Variants in ZNF732 observed in about 807,000 individuals in gnomAD.
ZNF732 encodes zinc finger protein LOC654254.
In ZNF732, 12 loss-of-function variants were observed where a neutral mutation model predicts 11.5. The observed-to-expected ratio is 1.05, with a 90% confidence interval of 0.67 to 1.70. ZNF732 has a LOEUF of 1.70. Ranked by LOEUF, ZNF732 falls within the 40% of genes most tolerant of loss-of-function variation. The pLI, the probability that ZNF732 is intolerant of heterozygous loss-of-function variation, is 0.00. For synonymous variants in ZNF732, 231 were observed against 236.5 expected (o/e 0.98, Z 0.21); for missense variants, 702 against 676.9 (o/e 1.04, Z -0.41).
chr4:302,409 C>T (rs782667362), intron 1 of ZNF732, among the ~76,000 whole-genome samples: 2 of 152,156 alleles, frequency 1.3e-5, no homozygotes, highest in Non-Finnish European at 2.9e-5. Context: ...CCATAATTCT[C>T]AAGTAGAAGA....
intron 3 of ZNF732, among the ~76,000 whole-genome samples, chr4:284,889 A>AC (rs1489968839): frequency 6.7e-6 from 1 of 150,156 alleles, no homozygotes; most frequent in Non-Finnish European, 1.5e-5. Context: ...AAAAAAAAAA[A>AC]AAAAGAAGAA....
At chr4:296,412 C>T (rs1553842298) in intron 1 of ZNF732, among the ~76,000 whole-genome samples, 1 of 152,032 alleles carries the variant, frequency 6.6e-6, no homozygotes, top group African/African-American at 2.4e-5. Flanking sequence ...CTGTGACCTC[C>T]TGGAAAAAAA....
chr4:279,318 C>T (rs1286498177), intron 3 of ZNF732, among the ~76,000 whole-genome samples: 5 of 151,622 alleles, frequency 3.3e-5, no homozygotes, highest in Admixed American at 6.6e-5. Context: ...TGGTGGTGGG[C>T]GCTTGTAGTC....
chr4:295,471 C>T lies in ZNF732; in HGVS notation c.193G>A (p.Val65Met). 2 of 1,611,884 alleles carry T rather than the reference C, an allele frequency of 1.2e-6. No individual in the cohort carries two copies. Among genetic ancestry groups the T allele is most frequent in the Non-Finnish European group, 1.7e-6 (2 of 1,178,888 alleles). The change falls in exon 3 of 4, where the codon GTG becomes ATG. Residue 65 changes from valine to methionine, a missense_variant. Val to Met is a conservative substitution (Grantham distance 21, BLOSUM62 1). Transcript: ENST00000419098. ...TTGGCTACTGTCTCATGTATCTTCACTTTGTAGGGCTCCTTTCTTTGCTCC... is the reference window on the plus strand; with the variant it reads ...TTGGCTACTGTCTCATGTATCTTCATTTTGTAGGGCTCCTTTCTTTGCTCC... The part of the protein sequence containing the change: ...YLEQRKEPYK[V>M]KIHETVAKHP...
chr4:279,852 A>G (rs931496139), intron 3 of ZNF732, among the ~76,000 whole-genome samples: 9 of 152,210 alleles, frequency 5.9e-5, no homozygotes, highest in Non-Finnish European at 1.3e-4. Flanking sequence ...CTCACCTATA[A>G]AAGAAAACAG....
Position 272,202 on chromosome 4 carries a change from C to T in ZNF732, c.655G>A (p.Gly219Arg), listed in dbSNP as rs1719396587. The T allele has an allele frequency of 1.9e-6, 3 of 1,612,880 alleles. No homozygotes were observed. The African/African-American group carries it at 4.0e-5, about 22-fold the overall frequency. ...IFNEYEIIHT[G>R]EKPFTCEECG... Reference sequence around the variant, plus strand: ...TCTTCACATGTGAAGGGTTTCTCTCCAGTATGAATTATCTCATATTCATTA... The same window carrying T: ...TCTTCACATGTGAAGGGTTTCTCTCTAGTATGAATTATCTCATATTCATTA... Residue 219 changes from glycine to arginine, a missense_variant, in exon 4 of 4, where the codon GGA (glycine) becomes AGA (arginine). Physicochemically the swap from Gly to Arg is moderately radical, Grantham distance 125. Coordinates refer to ENST00000419098, the MANE Select transcript of ZNF732 (RefSeq NM_001137608.3).
chr4:286,747 T>A (rs1719739409), intron 3 of ZNF732, among the ~76,000 whole-genome samples: 2 of 152,208 alleles, frequency 1.3e-5, no homozygotes, highest in South Asian at 4.1e-4. Context: ...GTTATACAGG[T>A]AAACTTGTGT....
intron 3 of ZNF732, among the ~76,000 whole-genome samples, chr4:284,891 A>AAAAAAAAAAAG (rs782343752): frequency 3.9e-5 from 5 of 129,120 alleles, no homozygotes; most frequent in East Asian, 2.2e-4. Flanking sequence ...AAAAAAAAAA[A>AAAAAAAAAAAG]AAGAAGAAGA....
intron 3 of ZNF732, among the ~76,000 whole-genome samples, chr4:277,088 T>C (rs1014126580): frequency 1.3e-4 from 20 of 152,010 alleles, no homozygotes; most frequent in Non-Finnish European, 4.4e-5. Flanking sequence ...GAAAATTATT[T>C]ACATGATAAT....
At position 295,444 on chromosome 4, in the gene ZNF732, G is replaced by A. The variant is rs782049095; in HGVS notation, c.220C>T (p.His74Tyr). The change falls in exon 3 of 4, where the codon CAC becomes TAC. Residue 74 changes from histidine to tyrosine, a missense_variant. His to Tyr is a moderately conservative substitution (Grantham distance 83). Transcript: ENST00000419098. ...KVKIHETVAK[H>Y]PAVCSHFTQD... ...TTCATTCACTGTCACCTACCTGGGT[G>A]TTTGGCTACTGTCTCATGTATCTTC... is the stretch of plus-strand genomic sequence containing the variant. 10 of 1,604,738 alleles carry A rather than the reference G, an allele frequency of 6.2e-6. No homozygotes were observed. The highest frequency in any genetic ancestry group is 1.7e-5 in the Admixed American group (1 of 58,606).
At chr4:290,815 C>A (rs75349991) in intron 3 of ZNF732, among the ~76,000 whole-genome samples, 3,158 of 152,332 alleles carry the variant, frequency 0.021, 76 homozygotes, top group South Asian at 0.12. Flanking sequence ...GCAGACCCAG[C>A]AGCACCCTTG....
chr4:295,406 C>T (rs1553842086), intron 3 of ZNF732, 32 bp downstream of exon 3: 1 of 1,565,132 alleles, frequency 6.4e-7, no homozygotes, highest in South Asian at 1.2e-5. Context: ...GTCCCCTGGC[C>T]TGTGTCCTCT....
At chr4:296,835 C>A (rs1184605661) in intron 1 of ZNF732, among the ~76,000 whole-genome samples, 2 of 152,176 alleles carry the variant, frequency 1.3e-5, no homozygotes, top group African/African-American at 4.8e-5. Flanking sequence ...CTTACCCCAA[C>A]ACCCTTATCA....
Position 270,951 on chromosome 4 carries a change from A to T in ZNF732, c.*148T>A. On this transcript the variant is annotated 3_prime_UTR_variant, in exon 4 of 4. Coordinates refer to ENST00000419098, the MANE Select transcript of ZNF732 (RefSeq NM_001137608.3). ...TACATTTGTAGGGTTTTTCTCCAGT[A>T]TGAATTCTTACTTTCATTCAGGGTT... 1.2e-6 allele frequency: 1 copy of T among 807,774 alleles called. No homozygotes were observed. The highest frequency in any genetic ancestry group is 2.1e-6 in the Non-Finnish European group (1 of 477,192). The allele number at this position is 807,774 out of a possible 1,614,324, so 50.0% of individuals were successfully genotyped here.
intron 1 of ZNF732, among the ~76,000 whole-genome samples, chr4:302,725 C>T (rs1720142035): frequency 6.6e-6 from 1 of 152,142 alleles, no homozygotes; most frequent in Admixed American, 6.5e-5. Context: ...ACAAAAATGA[C>T]ATATAAATTT....
At chr4:299,443 A>ATATATACACATATGTG (rs1720048411) in intron 1 of ZNF732, among the ~76,000 whole-genome samples, 1 of 43,460 alleles carries the variant, frequency 2.3e-5, no homozygotes, top group Non-Finnish European at 4.3e-5. Flanking sequence ...GTGTATATAT[A>ATATATACACATATGTG]TATATATACA....
chr4:300,541 A>C (rs947916886), intron 1 of ZNF732, among the ~76,000 whole-genome samples: 3 of 152,134 alleles, frequency 2.0e-5, no homozygotes, highest in Non-Finnish European at 4.4e-5. Flanking sequence ...CAAATAGTTC[A>C]AAGAGGGGAA....
chr4:277,778 C>CAACA (rs1560157818), intron 3 of ZNF732, among the ~76,000 whole-genome samples: 1 of 151,770 alleles, frequency 6.6e-6, no homozygotes, highest in Non-Finnish European at 1.5e-5. Context: ...CCATGAACTA[C>CAACA]CACACACACA....
chr4:296,277 G>GT, intron 1 of ZNF732, 122 bp from the exon 2 acceptor site: 1 of 1,327,000 alleles, frequency 7.5e-7, no homozygotes, highest in Non-Finnish European at 1.0e-6. Context: ...TTTCAACACA[G>GT]TAATGTTCTC....
Sources: allele counts gnomAD v4.1 joint callset (sites outside exome capture counted in the v4.1 genomes callset), GRCh38; gene constraint gnomAD v4.1.1; transcripts MANE v1.5; gene names NCBI Gene and HGNC (gene_info 2026-07-23, HGNC 2026-07-21).